ANKS1B: variants seen among roughly 807,000 people sequenced by gnomAD.
ANKS1B encodes ankyrin repeat and sterile alpha motif domain-containing protein 1B.
ANKS1B carries 36 observed loss-of-function variants against 148.3 expected under a neutral mutation model. The ratio of observed to expected loss-of-function variants is 0.24; its 90% CI spans 0.19 to 0.32. The LOEUF is 0.32. Ranked by LOEUF, ANKS1B falls within the 10% of genes least tolerant of loss-of-function variation. The pLI is 1.00. For missense variants in ANKS1B, 1,157 were observed against 1,542.6 expected (o/e 0.75, Z 4.19); for synonymous variants, 542 against 560.8 (o/e 0.97, Z 0.47).
chr12:99,152,043 C>G (rs1171364562), intron 15 of ANKS1B, among the ~76,000 whole-genome samples: 1 of 152,122 alleles, frequency 6.6e-6, no homozygotes, highest in Non-Finnish European at 1.5e-5. Flanking sequence ...GCAAGTCTAA[C>G]AGATTTTTCA....
Position 99,742,134 on chromosome 12 carries a change from GA to G in ANKS1B, c.1128+30787del, listed in dbSNP as rs556751525. Among the ~76,000 whole-genome samples, 719 of 144,198 alleles carry G rather than the reference GA, an allele frequency of 5.0e-3. 5 individuals are homozygous for G. Among genetic ancestry groups the G allele is most frequent in the African/African-American group, 0.017 (672 of 39,344 alleles). 94.6% of individuals were successfully genotyped at this position (144,198 alleles called of 152,430 possible). ...AAGGTGGTAGGAAGGAGAGGATCAG[GA>G]AAAAAAAAACTAATGGGTACTAAGC... On this transcript the variant is annotated intron_variant, in intron 8 of 26. Transcript: ENST00000683438.
At chr12:99,053,585 A>G (rs2099967634) in intron 16 of ANKS1B, among the ~76,000 whole-genome samples, 1 of 152,254 alleles carries the variant, frequency 6.6e-6, no homozygotes, top group Admixed American at 6.5e-5. Context: ...AACTTCTGTC[A>G]TAGACATTAT....
intron 8 of ANKS1B, among the ~76,000 whole-genome samples, chr12:99,697,543 G>A (rs1259045642): frequency 6.6e-6 from 1 of 152,098 alleles, no homozygotes; most frequent in Non-Finnish European, 1.5e-5. Flanking sequence ...CAAAACTATG[G>A]AGACAATGAA....
At position 98,745,452 on chromosome 12, in the gene ANKS1B, G is replaced by A; in HGVS notation, c.*287C>T. 7.6e-6 allele frequency: 8 copies of A among 1,059,250 alleles called. No homozygotes were observed. Among genetic ancestry groups the A allele is most frequent in the South Asian group, 4.0e-5 (1 of 24,886 alleles). 65.6% of individuals were successfully genotyped at this position (1,059,250 alleles called of 1,614,324 possible). ...GAAGCAAAGCAAGTACTGGGGCGGA[G>A]TCATCAGAAATACCTTGGGAGGTGG... On this transcript the variant is annotated 3_prime_UTR_variant, in exon 27 of 27. Transcript: ENST00000683438.
At chr12:99,438,792 G>A (rs929707889) in intron 11 of ANKS1B, among the ~76,000 whole-genome samples, 1 of 151,790 alleles carries the variant, frequency 6.6e-6, no homozygotes, top group African/African-American at 2.4e-5. Flanking sequence ...CTGTAACATT[G>A]TCTGCTTTCC....
chr12:99,782,232 T>C (rs2064412434), intron 4 of ANKS1B, 135 bp from the exon 5 acceptor site: 3 of 717,476 alleles, frequency 4.2e-6, no homozygotes, highest in Non-Finnish European at 6.8e-6. Flanking sequence ...AAAGGTCATG[T>C]GGAATAAAGA....
At chr12:99,901,380 A>G (rs1416848815) in intron 1 of ANKS1B, among the ~76,000 whole-genome samples, 1 of 152,220 alleles carries the variant, frequency 6.6e-6, no homozygotes, top group African/African-American at 2.4e-5. Context: ...CTGTCCCCAC[A>G]ATTTCGTTTC....
In ANKS1B at chr12:99,300,338, T is replaced by C. The variant is rs139572313; in HGVS notation, c.1757-53474A>G. On this transcript the variant is annotated intron_variant, in intron 12 of 26. Transcript: ENST00000683438. Reference sequence around the variant, plus strand: ...ATCATTTTAGAAGGATAATTATAGATAATTACAGGTAAACTATCATCCCAA... The same window carrying C: ...ATCATTTTAGAAGGATAATTATAGACAATTACAGGTAAACTATCATCCCAA... Among the ~76,000 whole-genome samples the C allele has an allele frequency of 1.3e-3, 202 of 152,146 alleles. 1 individual carries two copies. Among genetic ancestry groups the C allele is most frequent in the Middle Eastern group, 3.4e-3 (1 of 292 alleles).
intron 8 of ANKS1B, among the ~76,000 whole-genome samples, chr12:99,737,378 T>G (rs981891560): frequency 6.6e-6 from 1 of 152,152 alleles, no homozygotes; most frequent in Non-Finnish European, 1.5e-5. Context: ...TCCTGTCATT[T>G]GCAGTAACAT....
At chr12:99,008,227 C>T (rs1439281837) in intron 17 of ANKS1B, among the ~76,000 whole-genome samples, 1 of 152,100 alleles carries the variant, frequency 6.6e-6, no homozygotes, top group Non-Finnish European at 1.5e-5. Context: ...TAATGATAAA[C>T]TTTGATTGAA....
intron 20 of ANKS1B, among the ~76,000 whole-genome samples, chr12:98,807,322 C>T (rs1039198481): frequency 3.3e-5 from 5 of 151,998 alleles, no homozygotes; most frequent in Admixed American, 3.3e-4. Context: ...TAGCTGTAAC[C>T]GTGCCTCTCC....
chr12:98,758,094 A>T (rs912637743), intron 25 of ANKS1B, among the ~76,000 whole-genome samples: 6 of 152,192 alleles, frequency 3.9e-5, no homozygotes, highest in South Asian at 4.1e-4. Context: ...TAATAATATT[A>T]TTTAACCAAA....
intron 17 of ANKS1B, among the ~76,000 whole-genome samples, chr12:98,832,940 A>G (rs2099330900): frequency 6.6e-6 from 1 of 152,214 alleles, no homozygotes; most frequent in South Asian, 2.1e-4. Context: ...AATGAATATG[A>G]AAGAATGAAT....
chr12:99,640,500 G>A (rs1454493250), intron 9 of ANKS1B, among the ~76,000 whole-genome samples: 1 of 152,170 alleles, frequency 6.6e-6, no homozygotes, highest in Non-Finnish European at 1.5e-5. Flanking sequence ...ATGAAAGGAT[G>A]AGTTCAACCG....
At chr12:99,102,994 G>A (rs2058336525) in intron 15 of ANKS1B, among the ~76,000 whole-genome samples, 1 of 152,000 alleles carries the variant, frequency 6.6e-6, no homozygotes, top group South Asian at 2.1e-4. Context: ...AAAAAAAGGA[G>A]ACACTTAAGC....
At chr12:99,346,186 T>C (rs1376618174) in intron 12 of ANKS1B, among the ~76,000 whole-genome samples, 1 of 152,074 alleles carries the variant, frequency 6.6e-6, no homozygotes, top group Non-Finnish European at 1.5e-5. Flanking sequence ...TGGGATATCA[T>C]ATGAATTCCA....
Position 99,345,939 on chromosome 12 carries a change from T to C in ANKS1B, c.1756+53692A>G, listed in dbSNP as rs773537793. Reference sequence around the variant, plus strand: ...CTTTTAAATTACTTTGCACCTGTCCTAATCATACCTGAAGGTGGCAATGTC... The same window carrying C: ...CTTTTAAATTACTTTGCACCTGTCCCAATCATACCTGAAGGTGGCAATGTC... On this transcript the variant is annotated intron_variant, in intron 12 of 26. Coordinates refer to ENST00000683438, the MANE Select transcript of ANKS1B (RefSeq NM_001352186.2). 1.6e-4 allele frequency among the ~76,000 whole-genome samples: 25 copies of C among 152,158 alleles called. 1 individual carries two copies. Among genetic ancestry groups the C allele is most frequent in the Middle Eastern group, 6.8e-3 (2 of 294 alleles).
intron 12 of ANKS1B, chr12:99,351,978 C>G (rs1480256686): frequency 6.6e-6 from 1 of 151,994 alleles, no homozygotes; most frequent in Non-Finnish European, 1.5e-5. Context: ...AAGCATACCT[C>G]AGAATATTCG....
intron 8 of ANKS1B, among the ~76,000 whole-genome samples, chr12:99,703,356 T>C (rs1877411543): frequency 6.6e-6 from 1 of 152,154 alleles, no homozygotes; most frequent in African/African-American, 2.4e-5. Flanking sequence ...TCATGTCTAA[T>C]GTATTCTGTG....
Sources: allele counts gnomAD v4.1 joint callset (sites outside exome capture counted in the v4.1 genomes callset), GRCh38; gene constraint gnomAD v4.1.1; transcripts MANE v1.5; gene names NCBI Gene and HGNC (gene_info 2026-07-23, HGNC 2026-07-21).